Variants in NIPA2 observed in about 807,000 individuals in gnomAD.
The protein encoded by NIPA2 is magnesium transporter NIPA2.
Under a neutral mutation model 29.7 loss-of-function variants are expected in NIPA2, and 11 were observed. The observed-to-expected ratio is 0.37, with a 90% CI of 0.23 to 0.61. NIPA2 has a LOEUF of 0.61. NIPA2 is among the 20% of genes least tolerant of loss of function. NIPA2 has a pLI of 0.66. For synonymous variants in NIPA2, 183 were observed against 161.9 expected, an observed-to-expected ratio of 1.13 and a Z score of -0.99; for missense variants, 426 against 437.9, an observed-to-expected ratio of 0.97 and a Z score of 0.24.
At chr15:22,864,857 T>C (rs1232220195) in intron 7 of NIPA2, among the ~76,000 whole-genome samples, 2 of 115,250 alleles carry the variant, frequency 1.7e-5, no homozygotes, top group Non-Finnish European at 3.3e-5. Context: ...GAAGGATTGT[T>C]ATCTTCGGTC....
At chr15:22,861,140 C>G (rs1330107339) in intron 7 of NIPA2, among the ~76,000 whole-genome samples, 1 of 151,946 alleles carries the variant, frequency 6.6e-6, no homozygotes, top group Non-Finnish European at 1.5e-5. Context: ...GGTTGTTGTT[C>G]CTTCCCTGTA....
intron 3 of NIPA2, among the ~76,000 whole-genome samples, chr15:22,846,216 C>T (rs1329159985): frequency 6.6e-6 from 1 of 152,118 alleles, no homozygotes; most frequent in Non-Finnish European, 1.5e-5. Context: ...CTAATAATTG[C>T]TTTCAGAATT....
At chr15:22,846,649 C>CA (rs932506509) in intron 3 of NIPA2, among the ~76,000 whole-genome samples, 3 of 151,574 alleles carry the variant, frequency 2.0e-5, no homozygotes, top group Non-Finnish European at 2.9e-5. Flanking sequence ...TCTGTATCGA[C>CA]AAAAAATACC....
At chr15:22,858,010 A>C (rs1268660184) in intron 5 of NIPA2, among the ~76,000 whole-genome samples, 5 of 152,154 alleles carry the variant, frequency 3.3e-5, no homozygotes, top group African/African-American at 1.2e-4. Context: ...TTCTTCCGTT[A>C]GATTTACAGA....
At chr15:22,857,368 T>C (rs1035365953) in intron 5 of NIPA2, among the ~76,000 whole-genome samples, 32 of 146,412 alleles carry the variant, frequency 2.2e-4, no homozygotes, top group African/African-American at 7.7e-4. Context: ...ACTTGGGAGG[T>C]GGAGGTTGTA....
At chr15:22,864,444 A>G (rs376673540) in intron 7 of NIPA2, among the ~76,000 whole-genome samples, 30 of 152,014 alleles carry the variant, frequency 2.0e-4, no homozygotes, top group African/African-American at 3.4e-4. Flanking sequence ...GTGAGCCACC[A>G]CGCCCGGCCT....
At position 22,838,677 on chromosome 15, in the gene NIPA2, C is replaced by T. The variant is rs1198759723; in HGVS notation, c.-596C>T. 2 of 152,528 alleles carry T rather than the reference C, an allele frequency of 1.3e-5. No individual in the cohort carries two copies. The highest frequency in any genetic ancestry group is 2.4e-5 in the African/African-American group (1 of 41,556). The allele number at this position is 152,528 out of a possible 1,614,324, so 9.4% of individuals were successfully genotyped here. On this transcript the variant is annotated 5_prime_UTR_variant, in exon 1 of 8. Transcript: ENST00000337451. ...GCGCCTAGGTTTTCCGGCGCCGGCC[C>T]TAGGTCCCGGCAGCGGTGGTGACGG...
chr15:22,839,911 GA>G (rs1469232155), intron 2 of NIPA2, 121 bp downstream of exon 2: 2 of 152,034 alleles, frequency 1.3e-5, no homozygotes, highest in African/African-American at 4.8e-5. Context: ...TGAGAGGTTG[GA>G]AAAAATTAAA....
chr15:22,862,749 G>T (rs2058708571), intron 7 of NIPA2, among the ~76,000 whole-genome samples: 1 of 152,064 alleles, frequency 6.6e-6, no homozygotes, highest in African/African-American at 2.4e-5. Flanking sequence ...ATATTAGAAG[G>T]TGTAGAGGTT....
intron 2 of NIPA2, among the ~76,000 whole-genome samples, chr15:22,844,758 CACA>C (rs200008818): frequency 2.6e-4 from 39 of 151,910 alleles, no homozygotes; most frequent in Admixed American, 9.2e-4. Context: ...TGTCAAAAAC[CACA>C]ACAACAACAA....
intron 7 of NIPA2, among the ~76,000 whole-genome samples, chr15:22,864,425 A>G (rs2058832242): frequency 6.6e-6 from 1 of 152,176 alleles, no homozygotes; most frequent in African/African-American, 2.4e-5. Context: ...AAGTGCTGGG[A>G]TTACAGGCGT....
At chr15:22,864,988 A>G in intron 7 of NIPA2, among the ~76,000 whole-genome samples, 1 of 151,982 alleles carries the variant, frequency 6.6e-6, no homozygotes, top group South Asian at 2.1e-4. Flanking sequence ...CAGCCTCCCA[A>G]GTAGCTGGCA....
Position 22,867,138 on chromosome 15 carries a change from C to CT in NIPA2, c.*292dup. The CT allele has an allele frequency of 2.2e-6, 1 of 457,310 alleles. No individual in the cohort carries two copies. The highest frequency in any genetic ancestry group is 3.8e-5 in the Admixed American group (1 of 26,098). 28.3% of individuals were successfully genotyped at this position (457,310 alleles called of 1,614,324 possible). ...GAATGCACTAATGACAGTTTTAAGT[C>CT]TATGAAAATGCTTTATTTTTTCATT... On this transcript the variant is annotated 3_prime_UTR_variant, in exon 8 of 8. Coordinates refer to ENST00000337451, the MANE Select transcript of NIPA2 (RefSeq NM_030922.7).
intron 7 of NIPA2, among the ~76,000 whole-genome samples, chr15:22,862,064 T>TTTTTTTTTG (rs2058665264): frequency 1.4e-5 from 2 of 147,860 alleles, no homozygotes; most frequent in African/African-American, 2.5e-5. Context: ...TTTTTTTTTT[T>TTTTTTTTTG]GAGACAGAGT....
chr15:22,839,966 C>G (rs1273788812), intron 2 of NIPA2, among the ~76,000 whole-genome samples, 176 bp downstream of exon 2: 1 of 152,116 alleles, frequency 6.6e-6, no homozygotes, highest in Non-Finnish European at 1.5e-5. Context: ...CTTGCTCTGT[C>G]CCCAGGCTAG....
chr15:22,865,398 A>G (rs2058943725), intron 7 of NIPA2, among the ~76,000 whole-genome samples: 3 of 151,924 alleles, frequency 2.0e-5, no homozygotes, highest in African/African-American at 7.2e-5. Context: ...AGGCAGGAGA[A>G]TGGCGTGAAC....
At chr15:22,863,715 A>G (rs996387664) in intron 7 of NIPA2, among the ~76,000 whole-genome samples, 1 of 152,130 alleles carries the variant, frequency 6.6e-6, no homozygotes, top group African/African-American at 2.4e-5. Flanking sequence ...ACTTGTTTTT[A>G]CCTAGTCCCC....
intron 3 of NIPA2, among the ~76,000 whole-genome samples, chr15:22,846,818 A>AATT (rs34966379): frequency 0.29 from 38,596 of 135,358 alleles, 6,531 homozygotes; most frequent in Non-Finnish European, 0.38. Context: ...CCTGTCTCCA[A>AATT]AATAATAATA....
chr15:22,846,694 T>A (rs555998288), intron 3 of NIPA2, among the ~76,000 whole-genome samples: 1 of 151,766 alleles, frequency 6.6e-6, no homozygotes, highest in Non-Finnish European at 1.5e-5. Flanking sequence ...TGCACACTTA[T>A]GGTCCCAGCT....
Sources: allele counts gnomAD v4.1 joint callset (sites outside exome capture counted in the v4.1 genomes callset), GRCh38; gene constraint gnomAD v4.1.1; transcripts MANE v1.5; gene names NCBI Gene and HGNC (gene_info 2026-07-23, HGNC 2026-07-21).